SAMD5: variants seen among roughly 807,000 people sequenced by gnomAD.
The protein encoded by SAMD5 is sterile alpha motif domain containing 5, also known as sterile alpha motif domain-containing protein 5.
A neutral mutation model predicts 11.3 loss-of-function variants in SAMD5; 13 were observed. The ratio of observed to expected loss-of-function variants is 1.15; its 90% CI spans 0.75 to 1.83. SAMD5 has a LOEUF of 1.83. Ranked by LOEUF, SAMD5 falls within the 40% of genes most tolerant of loss-of-function variation. The probability of loss-of-function intolerance (pLI) is 0.00; values close to 1 mark genes in which losing one functional copy is unlikely to be tolerated. For synonymous variants in SAMD5, 129 were observed against 111.3 expected, an observed-to-expected ratio of 1.16 and a Z score of -1.00; for missense variants, 255 against 239.1, an observed-to-expected ratio of 1.07 and a Z score of -0.44.
intron 1 of SAMD5, among the ~76,000 whole-genome samples, chr6:147,560,259 C>G (rs1396892463): frequency 6.6e-6 from 1 of 152,092 alleles, no homozygotes; most frequent in South Asian, 2.1e-4. Flanking sequence ...ATAGTAACAG[C>G]CAGTGTAACG....
At chr6:147,642,307 T>C (rs1261581439) in intron 1 of SAMD5, among the ~76,000 whole-genome samples, 2 of 152,252 alleles carry the variant, frequency 1.3e-5, no homozygotes. Flanking sequence ...TAATTCTATA[T>C]GACAAGGGGC....
At chr6:147,783,949 G>A in the SAMD5 span, among the ~76,000 whole-genome samples, 6 of 152,136 alleles carry the variant, frequency 3.9e-5, no homozygotes, top group Admixed American at 1.3e-4. Flanking sequence ...ACCTGTGCCT[G>A]CCATTGGAGT....
chr6:147,817,093 C>A, the SAMD5 span, among the ~76,000 whole-genome samples: 1 of 152,168 alleles, frequency 6.6e-6, no homozygotes, highest in Non-Finnish European at 1.5e-5. Flanking sequence ...AAAGCCTTTG[C>A]TCTATTCCTG....
intron 1 of SAMD5, among the ~76,000 whole-genome samples, chr6:147,603,680 C>T (rs762522294): frequency 2.0e-5 from 3 of 151,788 alleles, no homozygotes; most frequent in Non-Finnish European, 2.9e-5. Context: ...ACAGGTTTCC[C>T]AATTTCCTCA....
chr6:147,617,076 G>A (rs1251085452), intron 1 of SAMD5, among the ~76,000 whole-genome samples: 1 of 152,150 alleles, frequency 6.6e-6, no homozygotes, highest in Admixed American at 6.5e-5. Flanking sequence ...AGATCTAGTT[G>A]AGGCTCTTCT....
At chr6:147,579,687 C>A (rs1448172142) in intron 1 of SAMD5, among the ~76,000 whole-genome samples, 1 of 152,026 alleles carries the variant, frequency 6.6e-6, no homozygotes, top group Non-Finnish European at 1.5e-5. Flanking sequence ...GAATTCCTGG[C>A]CTCAGGTGAT....
intron 1 of SAMD5, among the ~76,000 whole-genome samples, chr6:147,734,079 A>G (rs1791757540): frequency 6.6e-6 from 1 of 152,202 alleles, no homozygotes; most frequent in African/African-American, 2.4e-5. Flanking sequence ...TTATGACATA[A>G]AATGTTTATG....
At chr6:147,902,481 C>A in the SAMD5 span, among the ~76,000 whole-genome samples, 3 of 152,108 alleles carry the variant, frequency 2.0e-5, no homozygotes, top group Non-Finnish European at 4.4e-5. Context: ...TAGTATTTCT[C>A]CAACTAATTT....
At chr6:147,638,272 T>G (rs1016124244) in intron 1 of SAMD5, among the ~76,000 whole-genome samples, 9 of 152,220 alleles carry the variant, frequency 5.9e-5, no homozygotes, top group African/African-American at 2.2e-4. Context: ...ACTTCTTATT[T>G]ATCAGTTAGG....
chr6:147,674,316 T>C (rs987549729), intron 1 of SAMD5, among the ~76,000 whole-genome samples: 3 of 152,190 alleles, frequency 2.0e-5, no homozygotes, highest in Non-Finnish European at 4.4e-5. Context: ...CACTGGTATG[T>C]GCAGCCCGTG....
chr6:147,800,457 C>A, the SAMD5 span, among the ~76,000 whole-genome samples: 1 of 152,106 alleles, frequency 6.6e-6, no homozygotes, highest in East Asian at 1.9e-4. Context: ...CTGGGAGAAC[C>A]ACTGCTCTCT....
the SAMD5 span, among the ~76,000 whole-genome samples, chr6:147,847,612 G>A: frequency 6.6e-6 from 1 of 152,122 alleles, no homozygotes; most frequent in African/African-American, 2.4e-5. Flanking sequence ...CAGCACTTTG[G>A]GAGGCTGAGG....
the SAMD5 span, among the ~76,000 whole-genome samples, chr6:147,819,877 C>T: frequency 2.0e-5 from 3 of 152,182 alleles, no homozygotes; most frequent in Non-Finnish European, 4.4e-5. Flanking sequence ...GGCAGGGTGT[C>T]AGCAGATATA....
intron 1 of SAMD5, among the ~76,000 whole-genome samples, chr6:147,723,656 G>T (rs2128459426): frequency 6.6e-6 from 1 of 152,192 alleles, no homozygotes; most frequent in Non-Finnish European, 1.5e-5. Flanking sequence ...TAATTGTGAT[G>T]CTAACACACA....
chr6:147,555,469 A>G (rs1475349036), intron 1 of SAMD5, among the ~76,000 whole-genome samples: 2 of 152,244 alleles, frequency 1.3e-5, no homozygotes, highest in Non-Finnish European at 2.9e-5. Context: ...GAAAACAAGA[A>G]TTTCAGAAAA....
At chr6:147,667,550 A>G (rs1790740316) in intron 1 of SAMD5, among the ~76,000 whole-genome samples, 1 of 152,208 alleles carries the variant, frequency 6.6e-6, no homozygotes, top group East Asian at 1.9e-4. Flanking sequence ...TGTGCAAGGA[A>G]GGCTGTTAGG....
chr6:147,767,861 A>G, the SAMD5 span, among the ~76,000 whole-genome samples: 2 of 152,236 alleles, frequency 1.3e-5, no homozygotes, highest in African/African-American at 4.8e-5. Flanking sequence ...ATTGAAGGCT[A>G]TTTTAACTAA....
chr6:147,951,086 C>G, the SAMD5 span, among the ~76,000 whole-genome samples: 1 of 151,902 alleles, frequency 6.6e-6, no homozygotes, highest in East Asian at 1.9e-4. Flanking sequence ...ACCTTTATGA[C>G]TGTTAACCCA....
the SAMD5 span, among the ~76,000 whole-genome samples, chr6:147,937,307 C>G: frequency 2.0e-5 from 3 of 152,254 alleles, no homozygotes; most frequent in Admixed American, 1.3e-4. Flanking sequence ...AGGAATCATC[C>G]AGAGCTAAGG....
Sources: gnomAD v4.1 joint callset for allele counts (sites outside exome capture counted in the v4.1 genomes callset) on GRCh38, gnomAD v4.1.1 for gene constraint, MANE v1.5 for transcripts, NCBI Gene and HGNC (gene_info 2026-07-23, HGNC 2026-07-21) for gene names.